The following XKR4 variants were observed in gnomAD, a reference collection of about 807,000 sequenced individuals.
XKR4 encodes XK related 4.
Under a neutral mutation model 53.9 loss-of-function variants are expected in XKR4, and 12 were observed. The observed-to-expected ratio is 0.22, with a 90% CI of 0.14 to 0.36. The LOEUF (loss-of-function observed/expected upper bound fraction) is 0.36. XKR4 is among the 10% of genes least tolerant of loss of function. The probability of loss-of-function intolerance (pLI) is 1.00; values close to 1 mark genes in which losing one functional copy is unlikely to be tolerated. For missense variants in XKR4, 799 were observed against 859.5 expected (o/e 0.93, Z 0.88); for synonymous variants, 354 against 362.4 (o/e 0.98, Z 0.26).
chr8:55,357,736 T>G lies in XKR4; in HGVS notation c.865T>G (p.Trp289Gly). 6.2e-7 allele frequency: 1 copy of G among 1,614,184 alleles called. No individual in the cohort carries two copies. The highest frequency in any genetic ancestry group is 8.5e-7 in the Non-Finnish European group (1 of 1,180,030). ...CCGACAGAGTGGGGAGAATGACAGA[T>G]GGAGGTTTTACTGGAAAATGGTATA... ...RSRQSGENDR[W>G]RFYWKMVYEY... Residue 289 changes from tryptophan (W) to glycine (G), a missense_variant, in exon 2 of 3, where the codon TGG becomes GGG. Around this residue, in one of 3 missense-constraint regions of XKR4, gnomAD observed 476 missense variants for 505.4 expected, o/e 0.94. Transcript: ENST00000327381.
At chr8:55,376,664 T>G (rs1333009139) in intron 2 of XKR4, among the ~76,000 whole-genome samples, 1 of 152,130 alleles carries the variant, frequency 6.6e-6, no homozygotes, top group Non-Finnish European at 1.5e-5. Flanking sequence ...TTCAATCCAT[T>G]AAATGTGAAA....
At chr8:55,223,641 T>C (rs542555754) in intron 1 of XKR4, among the ~76,000 whole-genome samples, 2 of 152,356 alleles carry the variant, frequency 1.3e-5, no homozygotes, top group South Asian at 2.1e-4. Context: ...ATGAAAAATA[T>C]GATTGCTCAC....
intron 2 of XKR4, among the ~76,000 whole-genome samples, chr8:55,516,505 T>C (rs1456523839): frequency 1.3e-5 from 2 of 151,940 alleles, no homozygotes; most frequent in South Asian, 2.1e-4. Context: ...GACGAAGAAA[T>C]GGGGAGAGAA....
At chr8:55,364,738 T>C (rs929708737) in intron 2 of XKR4, among the ~76,000 whole-genome samples, 3 of 152,146 alleles carry the variant, frequency 2.0e-5, no homozygotes, top group Non-Finnish European at 4.4e-5. Flanking sequence ...ATTCAATCAA[T>C]TCTCCTGCCT....
intron 1 of XKR4, among the ~76,000 whole-genome samples, chr8:55,356,734 G>A (rs1803801132): frequency 6.6e-6 from 1 of 152,094 alleles, no homozygotes; most frequent in South Asian, 2.1e-4. Context: ...AAAAAAGATT[G>A]GCAATATGTT....
intron 2 of XKR4, among the ~76,000 whole-genome samples, chr8:55,514,493 G>A (rs1337623696): frequency 6.6e-6 from 1 of 152,058 alleles, no homozygotes; most frequent in Non-Finnish European, 1.5e-5. Flanking sequence ...CTGACCTCAA[G>A]TGATCCGCCC....
chr8:55,217,145 G>A (rs926777396), intron 1 of XKR4, among the ~76,000 whole-genome samples: 1 of 148,976 alleles, frequency 6.7e-6, no homozygotes, highest in African/African-American at 2.5e-5. Flanking sequence ...GGGAGGCTGA[G>A]CCAGGAGAAT....
chr8:55,189,492 G>A (rs886474151), intron 1 of XKR4, among the ~76,000 whole-genome samples: 1 of 152,220 alleles, frequency 6.6e-6, no homozygotes, highest in Admixed American at 6.5e-5. Context: ...CTATGTGATA[G>A]AACCTGTTGC....
intron 2 of XKR4, chr8:55,451,474 G>T: frequency 1.6e-6 from 2 of 1,229,142 alleles, no homozygotes; most frequent in South Asian, 1.3e-5. Flanking sequence ...CAGGCTACTC[G>T]AGTCTGCCTG....
At chr8:55,262,928 AT>A (rs1818548386) in intron 1 of XKR4, among the ~76,000 whole-genome samples, 1 of 152,092 alleles carries the variant, frequency 6.6e-6, no homozygotes, top group South Asian at 2.1e-4. Context: ...ATGTGGTGAA[AT>A]CTTTTCCTAC....
intron 2 of XKR4, among the ~76,000 whole-genome samples, chr8:55,475,360 C>T (rs1010508576): frequency 1.3e-4 from 20 of 150,256 alleles, no homozygotes; most frequent in African/African-American, 2.0e-4. Context: ...TTCAGACCAG[C>T]GATTCATAAA....
intron 1 of XKR4, among the ~76,000 whole-genome samples, chr8:55,291,310 T>G (rs924234244): frequency 1.3e-5 from 2 of 152,220 alleles, no homozygotes; most frequent in Non-Finnish European, 2.9e-5. Context: ...ATTCTTCTCA[T>G]GTTATTCTTC....
intron 1 of XKR4, among the ~76,000 whole-genome samples, chr8:55,320,943 C>T (rs1215752161): frequency 1.3e-5 from 2 of 152,098 alleles, no homozygotes; most frequent in East Asian, 3.9e-4. Flanking sequence ...TCTTCTCTTT[C>T]CTTCACTTAA....
chr8:55,127,413 C>T (rs533161440), intron 1 of XKR4, among the ~76,000 whole-genome samples: 47 of 151,762 alleles, frequency 3.1e-4, no homozygotes, highest in African/African-American at 9.9e-4. Flanking sequence ...CCACCATGCC[C>T]GGCTAATATT....
chr8:55,465,553 T>G (rs1805751873), intron 2 of XKR4, among the ~76,000 whole-genome samples: 1 of 151,740 alleles, frequency 6.6e-6, no homozygotes, highest in South Asian at 2.1e-4. Flanking sequence ...ACCTAGGCAA[T>G]ACCATTCAGG....
chr8:55,453,250 C>A, intron 2 of XKR4: 1 of 491,648 alleles, frequency 2.0e-6, no homozygotes, highest in East Asian at 6.2e-5. Flanking sequence ...GCAGAGCAGC[C>A]GAGATGCCAT....
chr8:55,157,893 C>A, intron 1 of XKR4, among the ~76,000 whole-genome samples: 1 of 152,090 alleles, frequency 6.6e-6, no homozygotes, highest in Non-Finnish European at 1.5e-5. Flanking sequence ...TCCATGGTGT[C>A]TATGTACATT....
intron 1 of XKR4, among the ~76,000 whole-genome samples, chr8:55,224,891 G>A (rs573844503): frequency 5.3e-5 from 8 of 152,180 alleles, no homozygotes; most frequent in Middle Eastern, 3.4e-3. Flanking sequence ...TTTACTGTGC[G>A]TGATTTCAGA....
In XKR4 at chr8:55,531,487, A is replaced by T. The variant is rs1466318480; in HGVS notation, c.*7260A>T. The T allele has an allele frequency of 1.3e-5, 2 of 152,156 alleles. No homozygotes were observed. The highest frequency in any genetic ancestry group is 2.9e-5 in the Non-Finnish European group (2 of 68,024). 9.4% of individuals were successfully genotyped at this position (152,156 alleles called of 1,614,324 possible). Reference sequence around the variant, plus strand: ...AACATATGAAATAATGATGATGAACATAAAGTAACAATACAAATACAAAAA... The same window carrying T: ...AACATATGAAATAATGATGATGAACTTAAAGTAACAATACAAATACAAAAA... On this transcript the variant is annotated 3_prime_UTR_variant, in exon 3 of 3. Transcript: ENST00000327381.
Sources: allele counts gnomAD v4.1 joint callset (sites outside exome capture counted in the v4.1 genomes callset), GRCh38; gene constraint gnomAD v4.1.1; regional missense constraint gnomAD v4.1.1; transcripts MANE v1.5; gene names NCBI Gene and HGNC (gene_info 2026-07-23, HGNC 2026-07-21).